SLC24A2: variants seen among roughly 807,000 people sequenced by gnomAD.
The protein encoded by SLC24A2 is solute carrier family 24 member 2.
Under a neutral mutation model 62.0 loss-of-function variants are expected in SLC24A2, and 36 were observed. That is an observed-to-expected ratio of 0.58 (90% CI 0.44 to 0.77). SLC24A2 has a LOEUF of 0.77. SLC24A2 is among the 30% of genes least tolerant of loss of function. The pLI is 0.00. For missense variants in SLC24A2, 846 were observed against 817.9 expected (o/e 1.03, Z -0.42); for synonymous variants, 358 against 294.0 (o/e 1.22, Z -2.23).
intron 2 of SLC24A2, among the ~76,000 whole-genome samples, chr9:19,775,045 G>A (rs1359545767): frequency 6.6e-6 from 1 of 152,210 alleles, no homozygotes; most frequent in Non-Finnish European, 1.5e-5. Flanking sequence ...CGCAGCCAGT[G>A]TCTGGGATGA....
chr9:19,779,940 G>C (rs1426147197), intron 2 of SLC24A2, among the ~76,000 whole-genome samples: 5 of 151,986 alleles, frequency 3.3e-5, no homozygotes, highest in Non-Finnish European at 7.4e-5. Context: ...GCGGGCGCCT[G>C]TAGTGCCGCT....
At chr9:19,937,008 A>AT in the SLC24A2 span, among the ~76,000 whole-genome samples, 32 of 152,008 alleles carry the variant, frequency 2.1e-4, no homozygotes, top group African/African-American at 7.5e-4. Flanking sequence ...ACTTTAGTGG[A>AT]TTTTTTTTAA....
At chr9:19,761,312 C>G (rs965584038) in intron 2 of SLC24A2, among the ~76,000 whole-genome samples, 3 of 152,132 alleles carry the variant, frequency 2.0e-5, no homozygotes, top group African/African-American at 7.2e-5. Context: ...AACATCCTCT[C>G]TAGCATCTGT....
the SLC24A2 span, among the ~76,000 whole-genome samples, chr9:20,271,234 G>T: frequency 6.6e-6 from 1 of 152,198 alleles, no homozygotes; most frequent in African/African-American, 2.4e-5. Flanking sequence ...CTGGCTGGAT[G>T]TGCTGCTTTG....
At chr9:19,709,311 T>C (rs560098240) in intron 2 of SLC24A2, among the ~76,000 whole-genome samples, 37 of 152,312 alleles carry the variant, frequency 2.4e-4, no homozygotes, top group South Asian at 8.3e-4. Flanking sequence ...TTGGTGGGAC[T>C]GTAAACTAGT....
the SLC24A2 span, among the ~76,000 whole-genome samples, chr9:20,094,490 G>T: frequency 6.6e-6 from 1 of 152,174 alleles, no homozygotes; most frequent in African/African-American, 2.4e-5. Flanking sequence ...CCACCATGGT[G>T]AGCTTGTAAG....
chr9:19,794,312 G>A, the SLC24A2 span, among the ~76,000 whole-genome samples: 1 of 151,292 alleles, frequency 6.6e-6, no homozygotes, highest in Non-Finnish European at 1.5e-5. Flanking sequence ...TGAGCACCAA[G>A]ACAGGTTATA....
chr9:20,203,237 G>T, the SLC24A2 span, among the ~76,000 whole-genome samples: 1 of 152,026 alleles, frequency 6.6e-6, no homozygotes, highest in South Asian at 2.1e-4. Context: ...GCTTGGCAAT[G>T]GTTTTACTCC....
At chr9:19,850,131 A>G in the SLC24A2 span, among the ~76,000 whole-genome samples, 1 of 151,884 alleles carries the variant, frequency 6.6e-6, no homozygotes, top group African/African-American at 2.4e-5. Flanking sequence ...AAATGCCTGT[A>G]CACTTATAAA....
the SLC24A2 span, among the ~76,000 whole-genome samples, chr9:20,071,791 C>T: frequency 7.2e-5 from 11 of 152,196 alleles, no homozygotes; most frequent in African/African-American, 2.4e-4. Context: ...GCTGCAGTCG[C>T]AAGTCTGGGC....
chr9:19,680,234 A>C (rs1244136422), intron 2 of SLC24A2, among the ~76,000 whole-genome samples: 1 of 152,174 alleles, frequency 6.6e-6, no homozygotes, highest in Non-Finnish European at 1.5e-5. Context: ...CAACCCTAAC[A>C]GAAGAGGTGT....
chr9:20,078,488 G>C, the SLC24A2 span, among the ~76,000 whole-genome samples: 2 of 152,238 alleles, frequency 1.3e-5, no homozygotes, highest in Non-Finnish European at 2.9e-5. Context: ...ACAAGAACAA[G>C]ATGGTCAGGT....
intron 2 of SLC24A2, among the ~76,000 whole-genome samples, chr9:19,756,300 A>C (rs1822138770): frequency 6.6e-6 from 1 of 152,110 alleles, no homozygotes; most frequent in Non-Finnish European, 1.5e-5. Context: ...CCTTCTGCAG[A>C]GGAGTTTTAA....
At chr9:19,638,329 G>C (rs7846924) in intron 2 of SLC24A2, among the ~76,000 whole-genome samples, 2 of 151,976 alleles carry the variant, frequency 1.3e-5, no homozygotes, top group Non-Finnish European at 2.9e-5. Flanking sequence ...ACACATTCTT[G>C]ACTAGTTTTA....
chr9:19,801,821 T>C, the SLC24A2 span, among the ~76,000 whole-genome samples: 5 of 152,166 alleles, frequency 3.3e-5, no homozygotes, highest in Admixed American at 1.3e-4. Context: ...CTCTCAGTAT[T>C]AGGAAATAAT....
intron 2 of SLC24A2, among the ~76,000 whole-genome samples, chr9:19,669,912 C>T (rs1819366667): frequency 1.3e-5 from 2 of 152,210 alleles, no homozygotes; most frequent in Admixed American, 1.3e-4. Flanking sequence ...TCTTTCGGGG[C>T]CATCATTCTG....
chr9:20,243,362 T>G, the SLC24A2 span, among the ~76,000 whole-genome samples: 1 of 152,244 alleles, frequency 6.6e-6, no homozygotes, highest in Non-Finnish European at 1.5e-5. Context: ...ATTCTGCTTT[T>G]GTGATTCTAT....
At chr9:19,544,894 A>G (rs1219933776) in intron 8 of SLC24A2, among the ~76,000 whole-genome samples, 1 of 152,060 alleles carries the variant, frequency 6.6e-6, no homozygotes, top group Non-Finnish European at 1.5e-5. Flanking sequence ...GAATCTGATG[A>G]TTATGTGTCT....
the SLC24A2 span, among the ~76,000 whole-genome samples, chr9:19,820,054 TACACA>T: frequency 5.4e-5 from 1 of 18,588 alleles, no homozygotes; most frequent in African/African-American, 9.6e-5. Flanking sequence ...TATATATATA[TACACA>T]TATATATATA....
Sources: gnomAD v4.1 joint callset for allele counts (sites outside exome capture counted in the v4.1 genomes callset) on GRCh38, gnomAD v4.1.1 for gene constraint, MANE v1.5 for transcripts, NCBI Gene and HGNC (gene_info 2026-07-23, HGNC 2026-07-21) for gene names.